ST7L: variants seen among roughly 807,000 people sequenced by gnomAD.
ST7L encodes the protein suppressor of tumorigenicity 7 protein-like.
In ST7L, 57 loss-of-function variants were observed where a neutral mutation model predicts 72.5. That is an observed-to-expected ratio of 0.79 (90% confidence interval 0.64 to 0.98). The LOEUF (loss-of-function observed/expected upper bound fraction) is 0.98. Ranked by LOEUF, ST7L falls within the 50% of genes least tolerant of loss-of-function variation. ST7L has a pLI of 0.00. For missense variants in ST7L, 576 were observed against 672.2 expected (o/e 0.86, Z 1.58); for synonymous variants, 221 against 240.9 (o/e 0.92, Z 0.77).
chr1:112,609,720 G>A (rs1570630970), intron 3 of ST7L, among the ~76,000 whole-genome samples: 1 of 152,168 alleles, frequency 6.6e-6, no homozygotes, highest in South Asian at 2.1e-4. Flanking sequence ...CTACTCGGGA[G>A]GCTGAGGCAG....
chr1:112,602,713 C>CTTTTT lies in ST7L; in HGVS notation c.452-1870_452-1866dup, dbSNP rs35617753. On this transcript the variant is annotated intron_variant, in intron 3 of 14. Coordinates refer to ENST00000358039, the MANE Select transcript of ST7L (RefSeq NM_017744.5). ...TGGGTACCTGGCAGACATTTTCTTT[C>CTTTTT]TTTTTTTTTTTTTTTTTTTTGAGAC... 1.7e-3 allele frequency among the ~76,000 whole-genome samples: 207 copies of CTTTTT among 120,448 alleles called. 1 individual carries two copies. Among genetic ancestry groups the CTTTTT allele is most frequent in the Non-Finnish European group, 2.7e-3 (155 of 58,478 alleles). 79.0% of individuals were successfully genotyped at this position (120,448 alleles called of 152,430 possible). A position where few individuals can be genotyped will look rare whatever the true frequency, so the allele number is the denominator to read the frequency against.
At chr1:112,557,921 T>G (rs1231561181) in intron 11 of ST7L, among the ~76,000 whole-genome samples, 1 of 152,238 alleles carries the variant, frequency 6.6e-6, no homozygotes, top group African/African-American at 2.4e-5. Flanking sequence ...ATGAAAATAC[T>G]TGTACTAATA....
chr1:112,557,747 G>A (rs1416604418), intron 11 of ST7L, among the ~76,000 whole-genome samples: 1 of 152,118 alleles, frequency 6.6e-6, no homozygotes, highest in Non-Finnish European at 1.5e-5. Flanking sequence ...TGGGGAGTGA[G>A]GAGAACAGCA....
intron 2 of ST7L, among the ~76,000 whole-genome samples, chr1:112,616,459 T>G (rs1335578821): frequency 6.6e-6 from 1 of 152,092 alleles, no homozygotes; most frequent in Non-Finnish European, 1.5e-5. Flanking sequence ...TAAAGGATCT[T>G]TAGGCCAGGG....
chr1:112,611,189 T>C lies in ST7L; in HGVS notation c.289-186A>G, dbSNP rs148722917. ...GTCACGTAAAAGTGAAATACATTTTTTATAGTTCCGTCATAAAATTTAGAC... is the reference window on the plus strand; with the variant it reads ...GTCACGTAAAAGTGAAATACATTTTCTATAGTTCCGTCATAAAATTTAGAC... On this transcript the variant is annotated intron_variant, in intron 2 of 14. Transcript: ENST00000358039. Among the ~76,000 whole-genome samples, 19 of 152,362 alleles carry C rather than the reference T, an allele frequency of 1.2e-4. No homozygotes were observed. The East Asian group carries it at 3.7e-3, about 29-fold the overall frequency.
intron 9 of ST7L, among the ~76,000 whole-genome samples, chr1:112,581,699 A>G (rs1191219320): frequency 6.6e-6 from 1 of 152,132 alleles, no homozygotes; most frequent in African/African-American, 2.4e-5. Flanking sequence ...GTGAGCCACC[A>G]TGCCCAGCCT....
intron 11 of ST7L, among the ~76,000 whole-genome samples, chr1:112,570,545 G>GTATATATATACATATATA (rs1661901738): frequency 1.5e-5 from 2 of 130,862 alleles, no homozygotes; most frequent in African/African-American, 5.4e-5. Flanking sequence ...AATAAAAGAT[G>GTATATATATACATATATA]TATATATATA....
downstream of ST7L, chr1:112,520,370 C>T (rs201872478): frequency 3.7e-6 from 6 of 1,614,024 alleles, no homozygotes; most frequent in Non-Finnish European, 5.1e-6. Flanking sequence ...GGGTACGACA[C>T]AACTCGAGTC....
intron 11 of ST7L, among the ~76,000 whole-genome samples, chr1:112,566,463 A>G (rs1661071171): frequency 6.6e-6 from 1 of 151,688 alleles, no homozygotes; most frequent in Admixed American, 6.6e-5. Flanking sequence ...ATGTCCAGCT[A>G]ATTTTTTGTA....
intron 13 of ST7L, among the ~76,000 whole-genome samples, chr1:112,548,218 C>T (rs993286407): frequency 6.6e-5 from 10 of 151,890 alleles, no homozygotes; most frequent in Non-Finnish European, 1.3e-4. Flanking sequence ...ATTAGCTGGG[C>T]GTGATGGTGG....
intron 14 of ST7L, chr1:112,539,621 A>G (rs1655766065): frequency 2.3e-6 from 2 of 856,154 alleles, no homozygotes; most frequent in Non-Finnish European, 2.8e-6. Context: ...ACGCCATTGC[A>G]CTCTAGTCTG....
downstream of ST7L, among the ~76,000 whole-genome samples, chr1:112,519,077 G>GC: frequency 6.6e-6 from 1 of 152,120 alleles, no homozygotes; most frequent in Admixed American, 6.6e-5. Flanking sequence ...GGTTTTTGGT[G>GC]CCCAAGAGGA....
At chr1:112,568,861 A>AATATAAATATATATATAT (rs61349207) in intron 11 of ST7L, among the ~76,000 whole-genome samples, 25 of 114,870 alleles carry the variant, frequency 2.2e-4, no homozygotes, top group African/African-American at 8.3e-4. Flanking sequence ...TATAAATATA[A>AATATAAATATATATATAT]ATATATATAT....
chr1:112,531,771 T>A (rs1654421340), intron 14 of ST7L, among the ~76,000 whole-genome samples: 1 of 152,236 alleles, frequency 6.6e-6, no homozygotes. Context: ...CAAAGACCTG[T>A]TATATGTTAT....
chr1:112,572,864 A>T (rs770205441), intron 11 of ST7L, among the ~76,000 whole-genome samples: 4 of 152,232 alleles, frequency 2.6e-5, no homozygotes, highest in Non-Finnish European at 5.9e-5. Flanking sequence ...GTGAGAAGAC[A>T]CAGGAAATTA....
intron 3 of ST7L, among the ~76,000 whole-genome samples, chr1:112,606,254 G>C (rs559606500): frequency 6.6e-6 from 1 of 152,184 alleles, no homozygotes; most frequent in African/African-American, 2.4e-5. Flanking sequence ...GTTCCTTTTT[G>C]CTTAACAAGG....
rs1570810572 is a variant in ST7L, at chr1:112,523,941, C to G, written c.*2072G>C. On this transcript the variant is annotated 3_prime_UTR_variant, in exon 15 of 15. Coordinates refer to ENST00000358039, the MANE Select transcript of ST7L (RefSeq NM_017744.5). ...TTAATACCAGCCCTGAATAATGGCA[C>G]TAATCCACACTCTTCCTTAGAGTGA... is the stretch of plus-strand genomic sequence containing the variant. 5 of 151,386 alleles carry G rather than the reference C, an allele frequency of 3.3e-5. No homozygotes were observed. Among genetic ancestry groups the G allele is most frequent in the Admixed American group, 3.3e-4 (5 of 15,168 alleles). The allele number at this position is 151,386 out of a possible 1,614,324, so 9.4% of individuals were successfully genotyped here. A position where few individuals can be genotyped will look rare whatever the true frequency, so the allele number is the denominator to read the frequency against.
chr1:112,551,619 CTGTA>C (rs71765155), intron 12 of ST7L, among the ~76,000 whole-genome samples: 32,825 of 151,968 alleles, frequency 0.22, 3,694 homozygotes, highest in Middle Eastern at 0.26. Flanking sequence ...GTGAAAAAAA[CTGTA>C]TGGCCCACAA....
rs1397986872 is a variant in ST7L, at chr1:112,550,695, T to C, written c.1397-2A>G. 3 of 1,609,636 alleles carry C rather than the reference T, an allele frequency of 1.9e-6. No individual in the cohort carries two copies. The highest frequency in any genetic ancestry group is 1.3e-5 in the African/African-American group (1 of 74,904). On this transcript the variant is annotated splice_acceptor_variant, in intron 12 of 14. Transcript: ENST00000358039. LOFTEE classifies it high-confidence loss of function. ...ACGGGTATGGAATCATTCTAAAAGC[T>C]GAGGAAAAAAAAGCATGTGTTGATA...
Sources: allele counts gnomAD v4.1 joint callset (sites outside exome capture counted in the v4.1 genomes callset), GRCh38; gene constraint gnomAD v4.1.1; transcripts MANE v1.5; gene names NCBI Gene and HGNC (gene_info 2026-07-23, HGNC 2026-07-21).